TNIK: variants seen among roughly 807,000 people sequenced by gnomAD.
TNIK encodes TRAF2 and NCK interacting kinase, also known as TRAF2 and NCK-interacting protein kinase.
TNIK carries 49 observed loss-of-function variants against 191.3 expected under a neutral mutation model. That is an observed-to-expected ratio of 0.26 (90% CI 0.20 to 0.32). TNIK has a LOEUF of 0.32. Ranked by LOEUF, TNIK falls within the 10% of genes least tolerant of loss-of-function variation. The pLI is 1.00. For synonymous variants in TNIK, 594 were observed against 600.9 expected (o/e 0.99, Z 0.17); for missense variants, 1,155 against 1,702.3 (o/e 0.68, Z 5.66).
chr3:171,290,451 C>T (rs912207606), intron 2 of TNIK, among the ~76,000 whole-genome samples: 1 of 152,134 alleles, frequency 6.6e-6, no homozygotes. Flanking sequence ...TATTAAATGA[C>T]ATATCACATG....
At position 171,384,481 on chromosome 3, in the gene TNIK, G is replaced by A. The variant is rs547246336; in HGVS notation, c.58-14796C>T. ...TGCATCAGGATTAACATTTTAATAAGATTCCCAAGTTATCCCAATGCATAT... is the reference window on the plus strand; with the variant it reads ...TGCATCAGGATTAACATTTTAATAAAATTCCCAAGTTATCCCAATGCATAT... On this transcript the variant is annotated intron_variant, in intron 1 of 32. Coordinates refer to ENST00000436636, the MANE Select transcript of TNIK (RefSeq NM_015028.4). 3.9e-5 allele frequency among the ~76,000 whole-genome samples: 6 copies of A among 152,340 alleles called. No homozygotes were observed. In the South Asian group the frequency reaches 1.2e-3, roughly 32 times the overall value.
intron 4 of TNIK, among the ~76,000 whole-genome samples, chr3:171,196,341 AAAAT>A (rs1284559799): frequency 4.6e-5 from 7 of 152,202 alleles, no homozygotes; most frequent in Non-Finnish European, 7.3e-5. Context: ...TAAATAGAAA[AAAAT>A]AAATAAATAA....
intron 1 of TNIK, among the ~76,000 whole-genome samples, chr3:171,402,267 T>C (rs917953159): frequency 6.6e-6 from 1 of 152,238 alleles, no homozygotes; most frequent in African/African-American, 2.4e-5. Context: ...TTTATTCCAT[T>C]ACTGCTGCCT....
chr3:171,176,147 G>A lies in TNIK; in HGVS notation c.695-817C>T, dbSNP rs567708712. On this transcript the variant is annotated intron_variant, in intron 8 of 32. Coordinates refer to ENST00000436636, the MANE Select transcript of TNIK (RefSeq NM_015028.4). ...AAGCCAAAGGATTCTGTGGGCAGAA[G>A]TTTATTTTTAGCCCTGTCTACCACT... Among the ~76,000 whole-genome samples the A allele has an allele frequency of 2.0e-5, 3 of 152,284 alleles. No individual in the cohort carries two copies. In the South Asian group the frequency reaches 6.2e-4, roughly 32 times the overall value.
At chr3:171,459,752 C>G (rs946083084) in intron 1 of TNIK, among the ~76,000 whole-genome samples, 1 of 151,738 alleles carries the variant, frequency 6.6e-6, no homozygotes, top group African/African-American at 2.4e-5. Context: ...TAAGATGAAA[C>G]TGGCATAAGC....
At chr3:171,258,943 G>A (rs7642483) in intron 2 of TNIK, among the ~76,000 whole-genome samples, 9,195 of 152,136 alleles carry the variant, frequency 0.06, 871 homozygotes, top group African/African-American at 0.21. Context: ...ACACATGTGC[G>A]CGCACACACA....
intron 2 of TNIK, among the ~76,000 whole-genome samples, chr3:171,249,498 T>C (rs1474701619): frequency 6.6e-6 from 1 of 152,122 alleles, no homozygotes; most frequent in Non-Finnish European, 1.5e-5. Context: ...GGTGTGGAAA[T>C]GGCAAATTAG....
intron 1 of TNIK, among the ~76,000 whole-genome samples, chr3:171,371,557 C>G (rs1038684233): frequency 7.9e-5 from 12 of 152,272 alleles, no homozygotes; most frequent in African/African-American, 2.6e-4. Context: ...TATGCCCCAC[C>G]TGGTCTGGGA....
At chr3:171,311,270 G>A (rs1236341933) in intron 2 of TNIK, among the ~76,000 whole-genome samples, 8 of 151,448 alleles carry the variant, frequency 5.3e-5, no homozygotes, top group East Asian at 1.9e-4. Context: ...ATAGTTTTGC[G>A]CGAAGTATTT....
intron 2 of TNIK, among the ~76,000 whole-genome samples, chr3:171,279,503 T>C (rs915771846): frequency 1.3e-5 from 2 of 152,152 alleles, no homozygotes; most frequent in Non-Finnish European, 2.9e-5. Flanking sequence ...CGATTTGCCC[T>C]CCCACTGCAA....
chr3:171,382,239 T>A lies in TNIK; in HGVS notation c.58-12554A>T, dbSNP rs866291605. ...ACATCTTTTTTTTTTTTTTTTTTTT[T>A]TGAGACAGTCTCGCTCTGTCAGCCA... On this transcript the variant is annotated intron_variant, in intron 1 of 32. Transcript: ENST00000436636. Among the ~76,000 whole-genome samples, 1,164 of 146,362 alleles carry A rather than the reference T, an allele frequency of 8.0e-3. 4 individuals are homozygous for A. The highest frequency in any genetic ancestry group is 0.029 in the African/African-American group (1,089 of 37,690).
chr3:171,279,449 A>G (rs574281459), intron 2 of TNIK, among the ~76,000 whole-genome samples: 2 of 152,260 alleles, frequency 1.3e-5, no homozygotes, highest in South Asian at 2.1e-4. Context: ...CTTTTTTAGG[A>G]TATTTGATAA....
chr3:171,158,553 AG>A (rs1733534490), intron 11 of TNIK, among the ~76,000 whole-genome samples: 1 of 152,250 alleles, frequency 6.6e-6, no homozygotes, highest in South Asian at 2.1e-4. Context: ...ATTCAAACGT[AG>A]CCCTTTTAAT....
At chr3:171,232,582 G>T (rs1198368840) in intron 2 of TNIK, among the ~76,000 whole-genome samples, 2 of 152,090 alleles carry the variant, frequency 1.3e-5, no homozygotes, top group Non-Finnish European at 2.9e-5. Flanking sequence ...AAGTAAAACT[G>T]ATATTCTGAT....
chr3:171,077,079 C>A (rs1005965714), intron 28 of TNIK, among the ~76,000 whole-genome samples: 5 of 144,342 alleles, frequency 3.5e-5, no homozygotes, highest in African/African-American at 7.6e-5. Context: ...GTTCCCCCCC[C>A]CCTTTTTTTT....
intron 1 of TNIK, among the ~76,000 whole-genome samples, chr3:171,440,628 C>A (rs192187025): frequency 4.0e-4 from 61 of 152,308 alleles, no homozygotes; most frequent in East Asian, 2.1e-3. Flanking sequence ...CTGTAAGTCA[C>A]GAGCAGGCAT....
chr3:171,284,190 A>C (rs746821039), intron 2 of TNIK, among the ~76,000 whole-genome samples: 4 of 152,102 alleles, frequency 2.6e-5, no homozygotes, highest in Non-Finnish European at 5.9e-5. Context: ...TGCACACTAA[A>C]ATTTGAGAAC....
At chr3:171,389,027 C>A (rs1719106908) in intron 1 of TNIK, among the ~76,000 whole-genome samples, 1 of 152,100 alleles carries the variant, frequency 6.6e-6, no homozygotes, top group African/African-American at 2.4e-5. Flanking sequence ...CACTTACATG[C>A]ATTTTCTGTA....
chr3:171,429,866 TC>T (rs1560063903), intron 1 of TNIK, among the ~76,000 whole-genome samples: 1 of 152,200 alleles, frequency 6.6e-6, no homozygotes, highest in African/African-American at 2.4e-5. Flanking sequence ...GCAGCATTCC[TC>T]CCCCGAACAC....
Sources: allele counts gnomAD v4.1 joint callset (sites outside exome capture counted in the v4.1 genomes callset), GRCh38; gene constraint gnomAD v4.1.1; transcripts MANE v1.5; gene names NCBI Gene and HGNC (gene_info 2026-07-23, HGNC 2026-07-21).